SOX6: variants seen among roughly 807,000 people sequenced by gnomAD.
SOX6 encodes SRY-box transcription factor 6, also known as transcription factor SOX-6.
Under a neutral mutation model 97.8 loss-of-function variants are expected in SOX6, and 11 were observed. The ratio of observed to expected loss-of-function variants is 0.11; its 90% CI spans 0.07 to 0.19. The LOEUF is 0.19. Among genes scored for constraint, SOX6 ranks in the 10% least tolerant of loss-of-function variants. The probability of loss-of-function intolerance (pLI) is 1.00; values close to 1 mark genes in which losing one functional copy is unlikely to be tolerated. For missense variants in SOX6, 810 were observed against 1,039.5 expected (o/e 0.78, Z 3.04); for synonymous variants, 360 against 371.4 (o/e 0.97, Z 0.35).
intron 4 of SOX6, among the ~76,000 whole-genome samples, chr11:16,525,327 G>A (rs1432167890): frequency 4.7e-5 from 7 of 150,010 alleles, no homozygotes; most frequent in East Asian, 3.9e-4. Flanking sequence ...AAATAACGCC[G>A]CATATCTACA....
At chr11:16,270,443 A>G (rs950781534) in intron 3 of SOX6, among the ~76,000 whole-genome samples, 6 of 151,390 alleles carry the variant, frequency 4.0e-5, no homozygotes, top group African/African-American at 1.2e-4. Context: ...CAGTTTTGCA[A>G]TTCCTCAAAA....
intron 4 of SOX6, among the ~76,000 whole-genome samples, chr11:16,497,778 A>G (rs1354150827): frequency 3.3e-5 from 5 of 152,208 alleles, no homozygotes; most frequent in African/African-American, 1.2e-4. Context: ...AAAAGAATAA[A>G]AACAAATGAA....
chr11:16,123,598 A>G (rs1382135285), intron 6 of SOX6, among the ~76,000 whole-genome samples: 1 of 152,050 alleles, frequency 6.6e-6, no homozygotes, highest in Non-Finnish European at 1.5e-5. Context: ...ATTTTAGAGT[A>G]CAAAGCTAAT....
intron 3 of SOX6, among the ~76,000 whole-genome samples, chr11:16,666,071 C>G (rs1205752259): frequency 6.6e-6 from 1 of 152,110 alleles, no homozygotes; most frequent in Non-Finnish European, 1.5e-5. Context: ...CCTGCAAATC[C>G]TCCCCACAAT....
chr11:16,125,858 G>A (rs552479963), intron 6 of SOX6, among the ~76,000 whole-genome samples: 325 of 150,968 alleles, frequency 2.2e-3, no homozygotes, highest in Non-Finnish European at 3.8e-3. Flanking sequence ...AAGGAAGGAA[G>A]GAAGGAAGGA....
intron 4 of SOX6, among the ~76,000 whole-genome samples, chr11:16,192,572 C>G (rs1851660237): frequency 6.6e-6 from 1 of 151,434 alleles, no homozygotes; most frequent in African/African-American, 2.4e-5. Context: ...CTTTTTTGGT[C>G]ACAATCTGAA....
At chr11:16,124,081 TA>T (rs1360552697) in intron 6 of SOX6, among the ~76,000 whole-genome samples, 1 of 152,252 alleles carries the variant, frequency 6.6e-6, no homozygotes, top group East Asian at 1.9e-4. Flanking sequence ...CAGCCCAAAT[TA>T]AACTCTTCCA....
chr11:16,506,125 A>G (rs1860781394), intron 4 of SOX6, among the ~76,000 whole-genome samples: 1 of 152,148 alleles, frequency 6.6e-6, no homozygotes, highest in Admixed American at 6.5e-5. Context: ...ATCCACCAAC[A>G]ACTTGCATTG....
chr11:16,623,695 G>A lies in SOX6; in HGVS notation n.430-11435C>T, dbSNP rs541821511. Among the ~76,000 whole-genome samples, 207 of 152,228 alleles carry A rather than the reference G, an allele frequency of 1.4e-3. 2 individuals are homozygous for A. Among genetic ancestry groups the A allele is most frequent in the Non-Finnish European group, 5.3e-4 (36 of 68,010 alleles). ...TCTTCTAGAATTTTTACAGTTTCAC[G>A]TCTTAGATTTAAGTCTTTGATCCAT... On this transcript the variant is annotated intron_variant and non_coding_transcript_variant, in intron 3 of 5. Coordinates refer to the SOX6 transcript ENST00000524520.
chr11:16,398,364 C>A (rs984711198), intron 1 of SOX6, among the ~76,000 whole-genome samples: 4 of 151,462 alleles, frequency 2.6e-5, no homozygotes, highest in African/African-American at 7.3e-5. Flanking sequence ...AAAACCATAA[C>A]CATTCCCTGG....
At chr11:16,718,039 A>G (rs2134051752) in intron 2 of SOX6, among the ~76,000 whole-genome samples, 1 of 151,898 alleles carries the variant, frequency 6.6e-6, no homozygotes, top group East Asian at 1.9e-4. Flanking sequence ...CAGGTTCAAA[A>G]GTATAAAAGC....
chr11:16,200,288 T>C (rs1851899205), intron 4 of SOX6, among the ~76,000 whole-genome samples: 1 of 152,216 alleles, frequency 6.6e-6, no homozygotes, highest in South Asian at 2.1e-4. Context: ...TGTACACCCT[T>C]ACTAGCCAAG....
At chr11:16,425,609 CT>C (rs1565141050) in intron 1 of SOX6, among the ~76,000 whole-genome samples, 1 of 152,168 alleles carries the variant, frequency 6.6e-6, no homozygotes, top group East Asian at 1.9e-4. Context: ...TGATAAACAA[CT>C]TCAGCAAAGT....
chr11:16,165,584 T>C (rs925198951), intron 6 of SOX6, among the ~76,000 whole-genome samples: 8 of 152,130 alleles, frequency 5.3e-5, no homozygotes, highest in Admixed American at 3.9e-4. Flanking sequence ...AAAACTATAG[T>C]AAAGTTCAGT....
chr11:16,384,323 T>G (rs1857913755), intron 1 of SOX6, among the ~76,000 whole-genome samples: 1 of 151,906 alleles, frequency 6.6e-6, no homozygotes. Context: ...AATAATAGAT[T>G]AACTCATTCT....
chr11:16,138,529 G>GTTATTATT (rs1850035514), intron 6 of SOX6, among the ~76,000 whole-genome samples: 1 of 151,556 alleles, frequency 6.6e-6, no homozygotes. Flanking sequence ...TTTTGTTGTT[G>GTTATTATT]TTTTTATTTT....
intron 9 of SOX6, among the ~76,000 whole-genome samples, chr11:16,069,955 G>A (rs1416721844): frequency 1.3e-5 from 2 of 152,060 alleles, no homozygotes. Context: ...AGGAGATCGC[G>A]ACCATCCTTG....
At chr11:16,336,104 C>T (rs988840898) in intron 2 of SOX6, among the ~76,000 whole-genome samples, 1 of 152,122 alleles carries the variant, frequency 6.6e-6, no homozygotes, top group Non-Finnish European at 1.5e-5. Flanking sequence ...TAGTTAAAAG[C>T]CACATGTATA....
intron 4 of SOX6, among the ~76,000 whole-genome samples, chr11:16,556,225 T>C (rs1484639202): frequency 6.6e-6 from 1 of 151,656 alleles, no homozygotes; most frequent in African/African-American, 2.4e-5. Context: ...AGCCTACAAA[T>C]GAGAAATAAA....
Sources: gnomAD v4.1 joint callset for allele counts (sites outside exome capture counted in the v4.1 genomes callset) on GRCh38, gnomAD v4.1.1 for gene constraint, MANE v1.5 for transcripts, NCBI Gene and HGNC (gene_info 2026-07-23, HGNC 2026-07-21) for gene names.